MAGI2: variants seen among roughly 807,000 people sequenced by gnomAD.
MAGI2 encodes the protein membrane-associated guanylate kinase, WW and PDZ domain-containing protein 2.
A neutral mutation model predicts 133.3 loss-of-function variants in MAGI2; 35 were observed. That is an observed-to-expected ratio of 0.26 (90% CI 0.20 to 0.35). The LOEUF is 0.35. Ranked by LOEUF, MAGI2 falls within the 10% of genes least tolerant of loss-of-function variation. The probability of loss-of-function intolerance (pLI) is 1.00; values close to 1 mark genes in which losing one functional copy is unlikely to be tolerated. For missense variants in MAGI2, 1,636 were observed against 1,863.4 expected (o/e 0.88, Z 2.25); for synonymous variants, 729 against 710.6 (o/e 1.03, Z -0.41).
intron 9 of MAGI2, among the ~76,000 whole-genome samples, chr7:78,288,424 C>T (rs1250452647): frequency 6.6e-6 from 1 of 152,166 alleles, no homozygotes; most frequent in Non-Finnish European, 1.5e-5. Flanking sequence ...ACATTACCTA[C>T]ATCTTTTTTC....
At chr7:79,222,237 T>C (rs1325006143) in intron 1 of MAGI2, among the ~76,000 whole-genome samples, 1 of 152,052 alleles carries the variant, frequency 6.6e-6, no homozygotes, top group Non-Finnish European at 1.5e-5. Context: ...TTCAATCAAC[T>C]CTTTAGTTAT....
intron 2 of MAGI2, among the ~76,000 whole-genome samples, chr7:78,821,678 T>C (rs1489006917): frequency 6.6e-6 from 1 of 152,032 alleles, no homozygotes; most frequent in Non-Finnish European, 1.5e-5. Flanking sequence ...TATAAATAAC[T>C]CTTTTTCTAT....
chr7:78,056,632 A>G (rs1371059193), intron 21 of MAGI2, among the ~76,000 whole-genome samples: 2 of 152,032 alleles, frequency 1.3e-5, no homozygotes, highest in African/African-American at 4.8e-5. Flanking sequence ...CACATGGACA[A>G]ATTGAGGGGG....
At chr7:79,293,000 A>G (rs1428961178) in intron 1 of MAGI2, among the ~76,000 whole-genome samples, 1 of 152,122 alleles carries the variant, frequency 6.6e-6, no homozygotes, top group Non-Finnish European at 1.5e-5. Context: ...AAAAATTTCA[A>G]ACTCCTCACT....
intron 2 of MAGI2, among the ~76,000 whole-genome samples, chr7:78,627,494 T>G (rs946256837): frequency 2.0e-5 from 3 of 152,172 alleles, no homozygotes; most frequent in African/African-American, 7.2e-5. Flanking sequence ...CGTATATTTT[T>G]CAGTGAAAAA....
chr7:79,225,976 C>A (rs753026351), intron 1 of MAGI2, among the ~76,000 whole-genome samples: 4 of 152,074 alleles, frequency 2.6e-5, no homozygotes, highest in Non-Finnish European at 4.4e-5. Context: ...TAGAATGTCA[C>A]CTGAGGTGTA....
intron 2 of MAGI2, among the ~76,000 whole-genome samples, chr7:78,869,235 C>T (rs182157892): frequency 4.9e-4 from 74 of 152,076 alleles, no homozygotes; most frequent in Non-Finnish European, 9.3e-4. Flanking sequence ...TAATTGGGTC[C>T]CATCTATTTA....
intron 3 of MAGI2, among the ~76,000 whole-genome samples, chr7:78,559,665 C>G (rs1584633636): frequency 6.6e-6 from 1 of 152,226 alleles, no homozygotes; most frequent in South Asian, 2.1e-4. Flanking sequence ...GCTTAAAGTC[C>G]TATATTCTCC....
chr7:79,268,318 T>C (rs28513656), intron 1 of MAGI2, among the ~76,000 whole-genome samples: 2,489 of 152,322 alleles, frequency 0.016, 54 homozygotes, highest in African/African-American at 0.057. Context: ...ACAACTCAGA[T>C]TTATACAGTG....
chr7:79,188,766 G>T (rs1427512235), intron 1 of MAGI2, among the ~76,000 whole-genome samples: 1 of 151,760 alleles, frequency 6.6e-6, no homozygotes, highest in African/African-American at 2.4e-5. Context: ...AACATTAAAT[G>T]AAAAATGTAA....
At chr7:78,459,288 A>G (rs767840598) in intron 6 of MAGI2, among the ~76,000 whole-genome samples, 52 of 152,350 alleles carry the variant, frequency 3.4e-4, no homozygotes, top group Non-Finnish European at 6.0e-4. Flanking sequence ...TTAAAAGCAG[A>G]ATTCTCATCT....
At chr7:78,588,258 C>T (rs1196159973) in intron 3 of MAGI2, among the ~76,000 whole-genome samples, 2 of 152,138 alleles carry the variant, frequency 1.3e-5, no homozygotes, top group Non-Finnish European at 2.9e-5. Flanking sequence ...CGTATTTCTT[C>T]CCTTTTCATT....
At chr7:78,208,261 C>T (rs186594843) in intron 10 of MAGI2, among the ~76,000 whole-genome samples, 2 of 149,912 alleles carry the variant, frequency 1.3e-5, no homozygotes, top group Admixed American at 1.3e-4. Flanking sequence ...TGTTTTCAAA[C>T]AGCCATTTCT....
chr7:78,089,777 T>C (rs918808857), intron 20 of MAGI2, among the ~76,000 whole-genome samples: 1 of 152,174 alleles, frequency 6.6e-6, no homozygotes, highest in Non-Finnish European at 1.5e-5. Context: ...CCATTCTACA[T>C]TGGCTGTTCC....
At position 79,060,006 on chromosome 7, in the gene MAGI2, A is replaced by C. The variant is rs542645047; in HGVS notation, c.302-52800T>G. 4.9e-4 allele frequency among the ~76,000 whole-genome samples: 74 copies of C among 152,264 alleles called. 1 individual carries two copies. Among genetic ancestry groups the C allele is most frequent in the African/African-American group, 1.7e-3 (70 of 41,578 alleles). ...TATGAGGTGTTGCTGGGGCCCAACC[A>C]GTGGCTGCAGAAGCTTTGCCTTCAG... On this transcript the variant is annotated intron_variant, in intron 1 of 21. Transcript: ENST00000354212.
At chr7:78,379,300 C>T (rs992236274) in intron 6 of MAGI2, among the ~76,000 whole-genome samples, 1 of 151,854 alleles carries the variant, frequency 6.6e-6, no homozygotes, top group Non-Finnish European at 1.5e-5. Context: ...AAAAACCTGA[C>T]TCCATCCTGT....
intron 6 of MAGI2, among the ~76,000 whole-genome samples, chr7:78,469,392 T>A (rs1187882687): frequency 6.6e-6 from 1 of 152,196 alleles, no homozygotes; most frequent in African/African-American, 2.4e-5. Flanking sequence ...TCCTTGATGC[T>A]GTGCCATATG....
chr7:78,113,338 A>G (rs1819543287), intron 20 of MAGI2, among the ~76,000 whole-genome samples: 1 of 152,070 alleles, frequency 6.6e-6, no homozygotes, highest in Non-Finnish European at 1.5e-5. Flanking sequence ...ATACAAGTTG[A>G]TTTGTATTTG....
chr7:79,188,094 C>G (rs1390387873), intron 1 of MAGI2, among the ~76,000 whole-genome samples: 1 of 151,770 alleles, frequency 6.6e-6, no homozygotes, highest in Non-Finnish European at 1.5e-5. Flanking sequence ...ATTCTCTTTA[C>G]CATATTAAGC....
Sources: gnomAD v4.1 joint callset for allele counts (sites outside exome capture counted in the v4.1 genomes callset) on GRCh38, gnomAD v4.1.1 for gene constraint, MANE v1.5 for transcripts, NCBI Gene and HGNC (gene_info 2026-07-23, HGNC 2026-07-21) for gene names.